CRYBG3: variants seen among roughly 807,000 people sequenced by gnomAD.
The protein encoded by CRYBG3 is crystallin beta-gamma domain containing 3.
CRYBG3 carries 127 observed loss-of-function variants against 244.2 expected under a neutral mutation model. The observed-to-expected ratio is 0.52, with a 90% confidence interval of 0.45 to 0.60. CRYBG3 has a LOEUF of 0.60. Among genes scored for constraint, CRYBG3 ranks in the 20% least tolerant of loss-of-function variants. The pLI, the probability that CRYBG3 is intolerant of heterozygous loss-of-function variation, is 0.00. For missense variants in CRYBG3, 3,325 were observed against 3,442.5 expected (o/e 0.97, Z 0.85); for synonymous variants, 1,132 against 1,195.8 (o/e 0.95, Z 1.10).
At chr3:97,880,928 A>T (rs1012764059) in intron 6 of CRYBG3, 144 bp from the exon 7 acceptor site, 2 of 546,154 alleles carry the variant, frequency 3.7e-6, no homozygotes, top group African/African-American at 2.0e-5. Flanking sequence ...AGCATATATC[A>T]TTGTTTCAAA....
chr3:97,862,612 C>G (rs1179734028), intron 2 of CRYBG3, among the ~76,000 whole-genome samples: 1 of 152,150 alleles, frequency 6.6e-6, no homozygotes, highest in African/African-American at 2.4e-5. Context: ...ATATCTTCTA[C>G]TGCCAAACTG....
chr3:97,833,524 G>A (rs1373759825), intron 1 of CRYBG3, among the ~76,000 whole-genome samples: 1 of 152,078 alleles, frequency 6.6e-6, no homozygotes, highest in Non-Finnish European at 1.5e-5. Flanking sequence ...AGAACACATG[G>A]ACACAGGGAG....
intron 17 of CRYBG3, among the ~76,000 whole-genome samples, chr3:97,930,941 C>CGAA (rs1490430328): frequency 7.2e-5 from 11 of 151,944 alleles, no homozygotes; most frequent in Non-Finnish European, 1.3e-4. Context: ...TCATCCTTTC[C>CGAA]AAAGTGATCT....
At chr3:97,899,469 T>G (rs896046928) in intron 14 of CRYBG3, among the ~76,000 whole-genome samples, 1 of 152,090 alleles carries the variant, frequency 6.6e-6, no homozygotes, top group East Asian at 1.9e-4. Context: ...ATTTGATCAG[T>G]TCATTCACTT....
At chr3:97,908,415 A>G (rs2039804918) in intron 15 of CRYBG3, among the ~76,000 whole-genome samples, 1 of 152,160 alleles carries the variant, frequency 6.6e-6, no homozygotes, top group African/African-American at 2.4e-5. Context: ...GACTTGCTTT[A>G]TGAATCTTGG....
chr3:97,847,253 C>A (rs1453395799), intron 2 of CRYBG3, among the ~76,000 whole-genome samples: 2 of 152,170 alleles, frequency 1.3e-5, no homozygotes, highest in African/African-American at 4.8e-5. Flanking sequence ...TATATCTGTT[C>A]TCTTCCTGTC....
chr3:97,838,927 C>T (rs577861083), intron 1 of CRYBG3, among the ~76,000 whole-genome samples: 1 of 152,094 alleles, frequency 6.6e-6, no homozygotes, highest in South Asian at 2.1e-4. Flanking sequence ...TCGTTTTCAG[C>T]CATGGTCCAA....
intron 3 of CRYBG3, among the ~76,000 whole-genome samples, chr3:97,864,895 A>G (rs922188651): frequency 4.6e-5 from 7 of 152,056 alleles, no homozygotes; most frequent in African/African-American, 1.7e-4. Flanking sequence ...CTGCATGGTA[A>G]TGTTTTCTGT....
chr3:97,885,872 G>A (rs1474782727), intron 7 of CRYBG3, among the ~76,000 whole-genome samples: 1 of 152,186 alleles, frequency 6.6e-6, no homozygotes, highest in Non-Finnish European at 1.5e-5. Flanking sequence ...GCTGTCTAAA[G>A]AGTAGTAGCT....
In CRYBG3 at chr3:97,886,720, A is replaced by G. The variant is rs1016238826; in HGVS notation, c.7242A>G (p.Glu2414=). ...TACAGAGAGCAGTCCCCAATTTGGA[A>G]GAACTGAATATCTCCAAATCTGTGT... ...VYIQRAVPNL[E]ELNISKSVSF... is the part of the protein sequence containing the mutation. Residue 2414 remains glutamate (E), a synonymous_variant, in exon 8 of 22, where the codon GAA becomes GAG. Transcript: ENST00000389622. 7.4e-6 allele frequency: 12 copies of G among 1,612,500 alleles called. No homozygotes were observed. In the Admixed American group the frequency reaches 2.0e-4, roughly 27 times the overall value.
Position 97,898,407 on chromosome 3 carries a change from A to G in CRYBG3, c.7702-476A>G, listed in dbSNP as rs1268780490. Among the ~76,000 whole-genome samples, 5 of 152,122 alleles carry G rather than the reference A, an allele frequency of 3.3e-5. No homozygotes were observed. In the East Asian group the frequency reaches 9.6e-4, roughly 29 times the overall value. On this transcript the variant is annotated intron_variant, in intron 12 of 21. Coordinates refer to ENST00000389622, the MANE Select transcript of CRYBG3 (RefSeq NM_153605.4). ...TTTGTTTTAAATGTGTTGACTCACT[A>G]TAAATTTTTTAAATTTCCTCTCATC... is the stretch of plus-strand genomic sequence containing the variant.
chr3:97,874,689 C>T lies in CRYBG3; in HGVS notation c.3495C>T (p.Asn1165=), dbSNP rs1316953902. 4 of 1,535,652 alleles carry T rather than the reference C, an allele frequency of 2.6e-6. No homozygotes were observed. The African/African-American group carries it at 4.1e-5, about 16-fold the overall frequency. The change falls in exon 4 of 22, where the codon AAC becomes AAT. Residue 1165 remains asparagine, a synonymous_variant. Coordinates refer to ENST00000389622, the MANE Select transcript of CRYBG3 (RefSeq NM_153605.4). ...TTGCTGGGCCTGCAGCGTCAGTTAA[C>T]AGCTCAGGCCAACAGTGTTCTGAAG... ...GAVAGPAASV[N]SSGQQCSEAS...
At chr3:97,888,856 G>A (rs1045613664) in intron 9 of CRYBG3, among the ~76,000 whole-genome samples, 1 of 152,176 alleles carries the variant, frequency 6.6e-6, no homozygotes, top group Non-Finnish European at 1.5e-5. Context: ...CAAAGACAGT[G>A]CATGTGAGAA....
At chr3:97,856,879 A>G (rs1368270948) in intron 2 of CRYBG3, among the ~76,000 whole-genome samples, 1 of 151,780 alleles carries the variant, frequency 6.6e-6, no homozygotes, top group Non-Finnish European at 1.5e-5. Context: ...CTTTTGTATT[A>G]TACTTTAGTC....
rs958816197 is a variant in CRYBG3 at position 97,874,100 on chromosome 3, A to G, written c.2906A>G (p.Gln969Arg). 6.5e-7 allele frequency: 1 copy of G among 1,535,666 alleles called. No homozygotes were observed. ...GAAGCTCACACTTGTGTGTTTCATC[A>G]ATCTTTGGATATTTGTGGGACTAAA... The part of the protein sequence containing the change: ...NCEAHTCVFH[Q>R]SLDICGTKKI... Residue 969 changes from glutamine to arginine, a missense_variant, in exon 4 of 22, where the codon CAA becomes CGA. Physicochemically the swap from Gln to Arg is conservative, Grantham distance 43. Coordinates refer to ENST00000389622, the MANE Select transcript of CRYBG3 (RefSeq NM_153605.4).
At position 97,873,713 on chromosome 3, in the gene CRYBG3, A is replaced by G. The variant is rs1020378170; in HGVS notation, c.2519A>G (p.Lys840Arg). Residue 840 changes from lysine (K) to arginine (R), a missense_variant, in exon 4 of 22, where the codon AAG becomes AGG. Transcript: ENST00000389622. ...AGAGGAAAAACTATATCCTTGTCCA[A>G]GGTATCTCTTTCAAAAGTGGAGCCC... ...SGRGKTISLSKVSLSKVEPRN... is the reference protein window; with the variant it reads ...SGRGKTISLSRVSLSKVEPRN... 2.6e-6 allele frequency: 4 copies of G among 1,535,864 alleles called. No homozygotes were observed. The African/African-American group carries it at 4.1e-5, about 16-fold the overall frequency.
chr3:97,885,206 G>T (rs2039493701), intron 7 of CRYBG3, among the ~76,000 whole-genome samples: 1 of 151,984 alleles, frequency 6.6e-6, no homozygotes, highest in African/African-American at 2.4e-5. Flanking sequence ...TTACTATTTT[G>T]CATTTTAGAA....
At chr3:97,927,185 A>G (rs1487693719) in intron 17 of CRYBG3, among the ~76,000 whole-genome samples, 2 of 152,114 alleles carry the variant, frequency 1.3e-5, no homozygotes, top group East Asian at 3.9e-4. Context: ...GGCTACAGTA[A>G]CCAAAACAGC....
chr3:97,854,312 G>A (rs1221054218), intron 2 of CRYBG3, among the ~76,000 whole-genome samples: 1 of 151,740 alleles, frequency 6.6e-6, no homozygotes, highest in East Asian at 1.9e-4. Flanking sequence ...GTCTTGCTTT[G>A]GCTATGCTTT....
Sources: allele counts gnomAD v4.1 joint callset (sites outside exome capture counted in the v4.1 genomes callset), GRCh38; gene constraint gnomAD v4.1.1; transcripts MANE v1.5; gene names NCBI Gene and HGNC (gene_info 2026-07-23, HGNC 2026-07-21).